TFEC: variants seen among roughly 807,000 people sequenced by gnomAD.
The protein encoded by TFEC is class E basic helix-loop-helix protein 34.
Under a neutral mutation model 41.6 loss-of-function variants are expected in TFEC, and 31 were observed. The observed-to-expected ratio is 0.74, with a 90% CI of 0.56 to 1.01. TFEC has a LOEUF of 1.01. Among genes scored for constraint, TFEC ranks in the 50% least tolerant of loss-of-function variants. TFEC has a pLI of 0.00. For missense variants in TFEC, 402 were observed against 404.1 expected, an observed-to-expected ratio of 0.99 and a Z score of 0.04; for synonymous variants, 143 against 140.6, an observed-to-expected ratio of 1.02 and a Z score of -0.12.
At chr7:116,049,621 G>A (rs1008190094) in intron 3 of TFEC, among the ~76,000 whole-genome samples, 17 of 152,112 alleles carry the variant, frequency 1.1e-4, no homozygotes, top group African/African-American at 3.9e-4. Context: ...GCTCTGCACC[G>A]AGTGGACCTA....
At chr7:116,089,244 G>A (rs1270318716) in intron 3 of TFEC, among the ~76,000 whole-genome samples, 1 of 151,956 alleles carries the variant, frequency 6.6e-6, no homozygotes, top group Non-Finnish European at 1.5e-5. Flanking sequence ...GTCCATAAAA[G>A]GTAGCAAAGA....
chr7:115,998,647 T>C (rs1231394237), intron 1 of TFEC, among the ~76,000 whole-genome samples: 1 of 151,700 alleles, frequency 6.6e-6, no homozygotes, highest in Non-Finnish European at 1.5e-5. Flanking sequence ...AGATATTCCA[T>C]GCAAATGGAA....
chr7:115,998,113 AAC>A (rs1407867994), intron 1 of TFEC, among the ~76,000 whole-genome samples: 1 of 152,130 alleles, frequency 6.6e-6, no homozygotes, highest in Non-Finnish European at 1.5e-5. Flanking sequence ...AAGGTACTAA[AAC>A]ACCAAATAGA....
rs1472892571 is a variant in TFEC at position 115,938,807 on chromosome 7, T to G, written c.*1744A>C. ...CCTCCCTGCTACTAAAAAGATTTGT[T>G]TCTATTATATTAATACTATATTATT... On this transcript the variant is annotated 3_prime_UTR_variant, in exon 8 of 8. Coordinates refer to ENST00000265440, the MANE Select transcript of TFEC (RefSeq NM_012252.4). 4 of 151,914 alleles carry G rather than the reference T, an allele frequency of 2.6e-5. No individual in the cohort carries two copies. Among genetic ancestry groups the G allele is most frequent in the African/African-American group, 9.7e-5 (4 of 41,436 alleles). The allele number at this position is 151,914 out of a possible 1,614,324, so 9.4% of individuals were successfully genotyped here.
At chr7:115,955,873 G>T (rs1792198263) in intron 4 of TFEC, among the ~76,000 whole-genome samples, 1 of 151,898 alleles carries the variant, frequency 6.6e-6, no homozygotes, top group South Asian at 2.1e-4. Context: ...TTGAATTATT[G>T]ATTGAGCTTT....
intron 3 of TFEC, among the ~76,000 whole-genome samples, chr7:116,063,106 A>T (rs1169414712): frequency 1.3e-5 from 2 of 152,234 alleles, no homozygotes; most frequent in Non-Finnish European, 2.9e-5. Flanking sequence ...ACAGGAATGT[A>T]CTATTGACAC....
At chr7:116,154,013 G>T (rs1003605834) in intron 1 of TFEC, among the ~76,000 whole-genome samples, 10 of 152,208 alleles carry the variant, frequency 6.6e-5, no homozygotes, top group African/African-American at 1.9e-4. Context: ...AGATGAAATT[G>T]TAAGGAGAGA....
In TFEC at chr7:115,940,645, C is replaced by G; in HGVS notation, c.950G>C (p.Gly317Ala). 4.3e-6 allele frequency: 7 copies of G among 1,613,540 alleles called. No individual in the cohort carries two copies. The highest frequency in any genetic ancestry group is 5.9e-6 in the Non-Finnish European group (7 of 1,179,656). Residue 317 changes from glycine to alanine, a missense_variant, in exon 8 of 8, where the codon GGA (glycine) becomes GCA (alanine). Transcript: ENST00000265440. ...AGTGGCAGATAGCAGAGGATCTGTT[C>G]CAAATGGAGAGATTGTGTCATCCAA... Reference protein sequence around the residue: ...MLLDDTISPFGTDPLLSATSP... With the variant: ...MLLDDTISPFATDPLLSATSP...
At chr7:116,024,899 C>A (rs1161958602) in intron 1 of TFEC, among the ~76,000 whole-genome samples, 3 of 151,426 alleles carry the variant, frequency 2.0e-5, no homozygotes, top group Non-Finnish European at 4.4e-5. Context: ...TCTTTGCTTG[C>A]TCTTTTGTTG....
chr7:116,143,298 A>G (rs751085229), intron 1 of TFEC, among the ~76,000 whole-genome samples: 5 of 152,192 alleles, frequency 3.3e-5, no homozygotes, highest in Admixed American at 6.5e-5. Flanking sequence ...TATTCACACA[A>G]GAGAAAATAA....
chr7:116,097,777 G>C (rs1797502147), intron 3 of TFEC, among the ~76,000 whole-genome samples: 1 of 152,162 alleles, frequency 6.6e-6, no homozygotes, highest in South Asian at 2.1e-4. Flanking sequence ...AATAAAGGAA[G>C]ATTATTGTGC....
chr7:116,053,403 A>T (rs1046175535), intron 3 of TFEC, among the ~76,000 whole-genome samples: 1 of 152,170 alleles, frequency 6.6e-6, no homozygotes, highest in African/African-American at 2.4e-5. Flanking sequence ...ATTTTTGAGG[A>T]TAATAATGCT....
chr7:116,101,195 C>CA (rs200104880), intron 3 of TFEC, among the ~76,000 whole-genome samples: 1,471 of 141,612 alleles, frequency 0.01, 24 homozygotes, highest in African/African-American at 0.034. Flanking sequence ...CATGCCCCCC[C>CA]CCAAAAAAAA....
At chr7:116,065,403 A>G (rs1796671484) in intron 3 of TFEC, among the ~76,000 whole-genome samples, 1 of 152,208 alleles carries the variant, frequency 6.6e-6, no homozygotes, top group Admixed American at 6.6e-5. Flanking sequence ...ACATGGTATA[A>G]TAATGTAGAC....
chr7:116,086,686 G>A (rs1170240347), intron 3 of TFEC, among the ~76,000 whole-genome samples: 1 of 151,764 alleles, frequency 6.6e-6, no homozygotes, highest in African/African-American at 2.4e-5. Flanking sequence ...CTTACCTCCA[G>A]GGATCAGATT....
chr7:116,023,086 A>C (rs1264599223), intron 1 of TFEC, among the ~76,000 whole-genome samples: 1 of 149,600 alleles, frequency 6.7e-6, no homozygotes, highest in Non-Finnish European at 1.5e-5. Context: ...CTTCCAGCAA[A>C]AAAAAAAAAA....
At chr7:116,046,084 A>G (rs912733479) in intron 3 of TFEC, among the ~76,000 whole-genome samples, 3 of 152,126 alleles carry the variant, frequency 2.0e-5, no homozygotes, top group Admixed American at 2.0e-4. Context: ...TTGATTTTAC[A>G]GGCTTATAGG....
At chr7:116,096,680 T>C (rs564421412) in intron 3 of TFEC, among the ~76,000 whole-genome samples, 1 of 152,264 alleles carries the variant, frequency 6.6e-6, no homozygotes, top group East Asian at 1.9e-4. Flanking sequence ...TATTCTTGAG[T>C]TTTGACAGTT....
chr7:116,056,128 C>T (rs1796423905), intron 3 of TFEC, among the ~76,000 whole-genome samples: 1 of 151,992 alleles, frequency 6.6e-6, no homozygotes, highest in Non-Finnish European at 1.5e-5. Flanking sequence ...TGAAACACTA[C>T]CTTTCAAGAG....
Sources: allele counts gnomAD v4.1 joint callset (sites outside exome capture counted in the v4.1 genomes callset), GRCh38; gene constraint gnomAD v4.1.1; transcripts MANE v1.5; gene names NCBI Gene and HGNC (gene_info 2026-07-23, HGNC 2026-07-21).